The following PSMD1 variants were observed in gnomAD, a reference collection of about 807,000 sequenced individuals.
PSMD1 encodes the protein 26S proteasome non-ATPase regulatory subunit 1.
PSMD1 carries 18 observed loss-of-function variants against 119.0 expected under a neutral mutation model. The observed-to-expected ratio is 0.15, with a 90% CI of 0.10 to 0.22. PSMD1 has a LOEUF of 0.22. PSMD1 is among the 10% of genes least tolerant of loss of function. The pLI is 1.00. For synonymous variants in PSMD1, 374 were observed against 396.6 expected (o/e 0.94, Z 0.68); for missense variants, 702 against 1,158.5 (o/e 0.61, Z 5.72).
At chr2:231,136,191 C>T (rs920550773) in intron 16 of PSMD1, among the ~76,000 whole-genome samples, 13 of 152,262 alleles carry the variant, frequency 8.5e-5, no homozygotes, top group Admixed American at 8.5e-4. Flanking sequence ...TATACAGTTA[C>T]ATATAAATTA....
intron 16 of PSMD1, among the ~76,000 whole-genome samples, chr2:231,122,251 T>C (rs964696390): frequency 6.6e-6 from 1 of 152,152 alleles, no homozygotes; most frequent in African/African-American, 2.4e-5. Flanking sequence ...TAAATGTTGA[T>C]TTAAAATGGA....
At chr2:231,119,869 C>CAA (rs78246469) in intron 16 of PSMD1, among the ~76,000 whole-genome samples, 84 of 79,536 alleles carry the variant, frequency 1.1e-3, no homozygotes, top group Non-Finnish European at 1.5e-3. Flanking sequence ...GACTCCGTCT[C>CAA]AAAAAAAAAA....
At chr2:231,144,271 G>A (rs1696200222) in intron 17 of PSMD1, among the ~76,000 whole-genome samples, 1 of 147,370 alleles carries the variant, frequency 6.8e-6, no homozygotes, top group South Asian at 2.1e-4. Flanking sequence ...TTTTTTTGGA[G>A]ACAGAGTTTC....
intron 24 of PSMD1, among the ~76,000 whole-genome samples, chr2:231,171,272 T>C (rs1696904417): frequency 6.6e-6 from 1 of 152,226 alleles, no homozygotes; most frequent in Admixed American, 6.5e-5. Context: ...TGCTATTGAA[T>C]ATCTACTGTG....
chr2:231,100,371 A>C (rs1694834659), intron 16 of PSMD1, among the ~76,000 whole-genome samples: 1 of 152,166 alleles, frequency 6.6e-6, no homozygotes, highest in Non-Finnish European at 1.5e-5. Context: ...CCTGTTGGCA[A>C]GGGTTAGACG....
chr2:231,114,081 GACA>G (rs1695252024), intron 16 of PSMD1: 2 of 670,796 alleles, frequency 3.0e-6, no homozygotes, highest in Non-Finnish European at 5.4e-6. Context: ...AGATAATGGA[GACA>G]ACATTAAATT....
At chr2:231,080,362 G>T (rs997150518) in intron 12 of PSMD1, 48 bp downstream of exon 12, 2 of 1,425,336 alleles carry the variant, frequency 1.4e-6, no homozygotes, top group South Asian at 1.4e-5. Context: ...AAGAATCCAG[G>T]ATAACATATT....
Position 231,083,755 on chromosome 2 carries a change from C to G in PSMD1, c.1714C>G (p.Arg572Gly). Residue 572 changes from arginine to glycine, a missense_variant, in exon 14 of 25, where the codon CGT (arginine) becomes GGT (glycine). Around this residue, in one of 9 missense-constraint regions of PSMD1, gnomAD observed 272 missense variants for 511.6 expected, o/e 0.53. Coordinates refer to ENST00000308696, the MANE Select transcript of PSMD1 (RefSeq NM_002807.4). ...EADALIESLC[R>G]DKDPILRRSG... Reference sequence around the variant, plus strand: ...TGATGCTCTCATTGAATCTCTCTGTCGTGACAAGGTGAGATCACATACGTC... The same window carrying G: ...TGATGCTCTCATTGAATCTCTCTGTGGTGACAAGGTGAGATCACATACGTC... 6.2e-7 allele frequency: 1 copy of G among 1,614,050 alleles called. No individual in the cohort carries two copies. Among genetic ancestry groups the G allele is most frequent in the South Asian group, 1.1e-5 (1 of 91,060 alleles).
intron 17 of PSMD1, among the ~76,000 whole-genome samples, chr2:231,140,786 G>C (rs528843611): frequency 6.6e-6 from 1 of 152,218 alleles, no homozygotes; most frequent in East Asian, 1.9e-4. Context: ...GCTGAGGCAG[G>C]AGAATTGCTT....
chr2:231,120,109 G>A (rs371059630), intron 16 of PSMD1, among the ~76,000 whole-genome samples: 1 of 151,810 alleles, frequency 6.6e-6, no homozygotes, highest in South Asian at 2.1e-4. Context: ...GTACCACCAT[G>A]CCCAGCTAAT....
chr2:231,140,369 G>T (rs955433399), intron 17 of PSMD1, among the ~76,000 whole-genome samples: 10 of 151,280 alleles, frequency 6.6e-5, no homozygotes, highest in African/African-American at 2.4e-4. Flanking sequence ...GGTGGCACAC[G>T]CCTGTAACCC....
chr2:231,153,963 A>G (rs550597343), intron 19 of PSMD1, among the ~76,000 whole-genome samples: 1 of 151,910 alleles, frequency 6.6e-6, no homozygotes, highest in Admixed American at 6.6e-5. Context: ...AAAATATAAA[A>G]TTAGCTGGGC....
chr2:231,160,157 ATT>A (rs1696602568), intron 19 of PSMD1, among the ~76,000 whole-genome samples: 1 of 152,116 alleles, frequency 6.6e-6, no homozygotes, highest in South Asian at 2.1e-4. Flanking sequence ...TCCTTTACAT[ATT>A]GTGTTTCCTT....
In PSMD1 at chr2:231,140,062, G is replaced by A. The variant is rs986941877; in HGVS notation, c.1998+1212G>A. ...CTGAGAGCAAGGCTTTGCTCCCAGT[G>A]CCTTTGCATCAGAGAGAAAGGAGTC... On this transcript the variant is annotated intron_variant, in intron 17 of 24. Coordinates refer to ENST00000308696, the MANE Select transcript of PSMD1 (RefSeq NM_002807.4). Among the ~76,000 whole-genome samples the A allele has an allele frequency of 3.3e-5, 5 of 152,292 alleles. No individual in the cohort carries two copies. In the East Asian group the frequency reaches 5.8e-4, roughly 18 times the overall value.
chr2:231,072,798 T>C (rs568061309), intron 7 of PSMD1, among the ~76,000 whole-genome samples: 15 of 152,322 alleles, frequency 9.8e-5, no homozygotes, highest in South Asian at 4.1e-4. Context: ...TTTATGCTTT[T>C]ATTAGAACTA....
At chr2:231,133,304 C>T (rs1180710817) in intron 16 of PSMD1, among the ~76,000 whole-genome samples, 1 of 152,052 alleles carries the variant, frequency 6.6e-6, no homozygotes, top group African/African-American at 2.4e-5. Context: ...AGGCTAGTCA[C>T]GAAATCCTGG....
At chr2:231,112,277 A>G (rs916622026) in intron 16 of PSMD1, among the ~76,000 whole-genome samples, 10 of 152,170 alleles carry the variant, frequency 6.6e-5, no homozygotes, top group African/African-American at 2.4e-4. Flanking sequence ...TTTAATTTTC[A>G]CCCATTGTCT....
chr2:231,115,515 GAT>G (rs1430169192), intron 16 of PSMD1, among the ~76,000 whole-genome samples: 8 of 152,110 alleles, frequency 5.3e-5, no homozygotes, highest in Admixed American at 5.2e-4. Flanking sequence ...CTTAAAAAGG[GAT>G]TAAAGCATCA....
chr2:231,074,894 T>C (rs1375669022), intron 7 of PSMD1, among the ~76,000 whole-genome samples: 2 of 152,170 alleles, frequency 1.3e-5, no homozygotes, highest in Non-Finnish European at 2.9e-5. Context: ...AGTGGTGCGA[T>C]CATAGCTCAC....
Sources: gnomAD v4.1 joint callset for allele counts (sites outside exome capture counted in the v4.1 genomes callset) on GRCh38, gnomAD v4.1.1 for gene constraint, gnomAD v4.1.1 regional missense constraint, MANE v1.5 for transcripts, NCBI Gene and HGNC (gene_info 2026-07-23, HGNC 2026-07-21) for gene names.